TTC29: variants seen among roughly 807,000 people sequenced by gnomAD.
The protein encoded by TTC29 is tetratricopeptide repeat domain 29.
TTC29 carries 49 observed loss-of-function variants against 58.1 expected under a neutral mutation model. The observed-to-expected ratio is 0.84, with a 90% CI of 0.67 to 1.07. The LOEUF is 1.07. TTC29 is among the 50% of genes least tolerant of loss of function. TTC29 has a pLI of 0.00. For missense variants in TTC29, 582 were observed against 555.6 expected (o/e 1.05, Z -0.48); for synonymous variants, 209 against 196.8 (o/e 1.06, Z -0.52).
chr4:146,805,902 C>T (rs113685974), intron 10 of TTC29, among the ~76,000 whole-genome samples: 274 of 151,746 alleles, frequency 1.8e-3, no homozygotes, highest in South Asian at 7.9e-3. Flanking sequence ...CAAAACTCTT[C>T]GAGAAGAGCA....
chr4:146,834,263 T>A (rs1728364378), intron 8 of TTC29, among the ~76,000 whole-genome samples: 2 of 152,232 alleles, frequency 1.3e-5, no homozygotes, highest in South Asian at 4.1e-4. Context: ...TATTCTACTA[T>A]GATAGCTTAA....
intron 6 of TTC29, among the ~76,000 whole-genome samples, chr4:146,894,240 T>C (rs1334786921): frequency 5.9e-5 from 9 of 152,096 alleles, no homozygotes; most frequent in Non-Finnish European, 1.2e-4. Context: ...CGTATGTTTA[T>C]TGCGGCACTA....
chr4:146,802,313 G>A (rs1052085081), intron 11 of TTC29, among the ~76,000 whole-genome samples: 5 of 152,172 alleles, frequency 3.3e-5, no homozygotes, highest in African/African-American at 1.2e-4. Context: ...TGACAAGACA[G>A]CATGCTGAAG....
intron 11 of TTC29, among the ~76,000 whole-genome samples, chr4:146,718,799 T>A (rs1743137640): frequency 6.6e-6 from 1 of 152,188 alleles, no homozygotes; most frequent in Admixed American, 6.6e-5. Context: ...CGACACATAG[T>A]TTTCCCCTTA....
At chr4:146,796,351 G>T (rs1370022794) in intron 11 of TTC29, among the ~76,000 whole-genome samples, 1 of 151,878 alleles carries the variant, frequency 6.6e-6, no homozygotes, top group African/African-American at 2.4e-5. Flanking sequence ...TAGATTTAAA[G>T]AACAAAAAAA....
intron 11 of TTC29, among the ~76,000 whole-genome samples, chr4:146,728,793 ACG>A (rs1744027613): frequency 3.0e-5 from 4 of 131,560 alleles, no homozygotes; most frequent in African/African-American, 6.0e-5. Context: ...GTGTATATAT[ACG>A]TATATATACA....
Position 146,838,302 on chromosome 4 carries a change from G to A in TTC29, c.886-4405C>T, listed in dbSNP as rs570969538. ...GGGGATATGCTACAGATTCTTTGAA[G>A]AAGTGTTGTTGTAAAATGAAATTTA... On this transcript the variant is annotated intron_variant, in intron 8 of 12. Transcript: ENST00000325106. Among the ~76,000 whole-genome samples the A allele has an allele frequency of 4.6e-5, 7 of 152,078 alleles. No homozygotes were observed. The South Asian group carries it at 1.0e-3, about 22-fold the overall frequency.
intron 11 of TTC29, among the ~76,000 whole-genome samples, chr4:146,777,391 T>C (rs1289204950): frequency 6.6e-6 from 1 of 152,054 alleles, no homozygotes. Flanking sequence ...ACGTTGACTT[T>C]TTTTTTTTAA....
chr4:146,873,221 C>T (rs1484211639), intron 7 of TTC29, among the ~76,000 whole-genome samples: 1 of 152,074 alleles, frequency 6.6e-6, no homozygotes, highest in Non-Finnish European at 1.5e-5. Context: ...TTCAGGCTCC[C>T]TGATCAAAGT....
At position 146,844,464 on chromosome 4, in the gene TTC29, T is replaced by C. The variant is rs1311329308; in HGVS notation, c.886-10567A>G. 3.9e-5 allele frequency among the ~76,000 whole-genome samples: 6 copies of C among 152,226 alleles called. No homozygotes were observed. The East Asian group carries it at 1.2e-3, about 29-fold the overall frequency. On this transcript the variant is annotated intron_variant, in intron 8 of 12. Transcript: ENST00000325106. The stretch of plus-strand genomic sequence containing the variant: ...AAAAAAATGTGGAATATTTATCCTG[T>C]ACAGTCCAATCACAGTGTGAGTTAT...
chr4:146,859,661 G>A (rs1730100362), intron 8 of TTC29, among the ~76,000 whole-genome samples: 1 of 152,062 alleles, frequency 6.6e-6, no homozygotes, highest in Non-Finnish European at 1.5e-5. Context: ...TGACCTGAAA[G>A]AGAAAAGAAG....
chr4:146,750,109 G>A (rs747444768), intron 11 of TTC29, among the ~76,000 whole-genome samples: 12 of 152,146 alleles, frequency 7.9e-5, no homozygotes, highest in South Asian at 2.1e-4. Flanking sequence ...CTGGGTTCAC[G>A]CCATTCTCCT....
chr4:146,773,866 C>T (rs1295501222), intron 11 of TTC29, among the ~76,000 whole-genome samples: 1 of 151,794 alleles, frequency 6.6e-6, no homozygotes, highest in East Asian at 1.9e-4. Flanking sequence ...GTGAATCCAT[C>T]TGGTCCTGGG....
chr4:146,861,833 G>C (rs1730253500), intron 8 of TTC29, among the ~76,000 whole-genome samples: 1 of 151,994 alleles, frequency 6.6e-6, no homozygotes, highest in Non-Finnish European at 1.5e-5. Context: ...TATTGGAAGG[G>C]AGAAAATTAT....
chr4:146,790,363 A>G (rs1049285024), intron 11 of TTC29, among the ~76,000 whole-genome samples: 1 of 151,592 alleles, frequency 6.6e-6, no homozygotes, highest in Non-Finnish European at 1.5e-5. Context: ...TAAATTTTGT[A>G]TTTTTAGTAG....
chr4:146,849,551 T>A (rs2150181292), intron 8 of TTC29, among the ~76,000 whole-genome samples: 1 of 152,284 alleles, frequency 6.6e-6, no homozygotes, highest in East Asian at 1.9e-4. Context: ...GGTCACAGTG[T>A]TGCCTATTAG....
At chr4:146,803,715 C>T in intron 10 of TTC29, 30 bp from the exon 11 acceptor site, 1 of 1,498,236 alleles carries the variant, frequency 6.7e-7, no homozygotes, top group South Asian at 1.3e-5. Context: ...AATTTTCTTT[C>T]TTACTTTTAA....
intron 11 of TTC29, among the ~76,000 whole-genome samples, chr4:146,728,151 G>T (rs969260809): frequency 5.3e-5 from 8 of 151,932 alleles, no homozygotes; most frequent in African/African-American, 1.9e-4. Context: ...GCCGGGCGAG[G>T]TGGTGGGCAC....
intron 4 of TTC29, among the ~76,000 whole-genome samples, chr4:146,919,517 A>C (rs1734448332): frequency 6.6e-6 from 1 of 151,000 alleles, no homozygotes; most frequent in South Asian, 2.1e-4. Flanking sequence ...TGTAAATATC[A>C]TCATACTCAC....
Sources: allele counts gnomAD v4.1 joint callset (sites outside exome capture counted in the v4.1 genomes callset), GRCh38; gene constraint gnomAD v4.1.1; transcripts MANE v1.5; gene names NCBI Gene and HGNC (gene_info 2026-07-23, HGNC 2026-07-21).